Variants in ACCSL observed in about 807,000 individuals in gnomAD.
ACCSL encodes 1-aminocyclopropane-1-carboxylate synthase homolog (inactive) like, also known as probable inactive 1-aminocyclopropane-1-carboxylate synthase-like protein 2.
In ACCSL, 55 loss-of-function variants were observed where a neutral mutation model predicts 61.7. That is an observed-to-expected ratio of 0.89 (90% CI 0.72 to 1.12). ACCSL has a LOEUF of 1.12. ACCSL is among the 50% of genes most tolerant of loss of function. The pLI, the probability that ACCSL is intolerant of heterozygous loss-of-function variation, is 0.00. For synonymous variants in ACCSL, 258 were observed against 264.3 expected (o/e 0.98, Z 0.23); for missense variants, 632 against 698.0 (o/e 0.91, Z 1.07).
At chr11:44,024,463 G>C in the ACCSL span, among the ~76,000 whole-genome samples, 4 of 151,612 alleles carry the variant, frequency 2.6e-5, no homozygotes, top group Non-Finnish European at 4.4e-5. Flanking sequence ...GTGTGTGTGT[G>C]TGTGTGTGTG....
chr11:44,013,641 A>G, the ACCSL span, among the ~76,000 whole-genome samples: 8 of 152,364 alleles, frequency 5.3e-5, no homozygotes, highest in South Asian at 1.4e-3. Flanking sequence ...TTTGGAGTGA[A>G]GGGTATGAAA....
chr11:43,958,445 C>T, the ACCSL span, among the ~76,000 whole-genome samples: 1 of 152,174 alleles, frequency 6.6e-6, no homozygotes, highest in African/African-American at 2.4e-5. Flanking sequence ...CCCCTACCCA[C>T]CAAATTATCC....
chr11:44,009,491 C>T, the ACCSL span, among the ~76,000 whole-genome samples: 6 of 152,128 alleles, frequency 3.9e-5, no homozygotes, highest in East Asian at 1.9e-4. Context: ...CAGGGCCGGG[C>T]GCAGTGGCTC....
At chr11:44,008,601 G>A in the ACCSL span, among the ~76,000 whole-genome samples, 734 of 152,356 alleles carry the variant, frequency 4.8e-3, 11 homozygotes, top group African/African-American at 0.017. Context: ...GTATGACCGC[G>A]AAGCATAGTC....
At chr11:43,923,046 T>C in the ACCSL span, among the ~76,000 whole-genome samples, 1 of 152,214 alleles carries the variant, frequency 6.6e-6, no homozygotes, top group Non-Finnish European at 1.5e-5. Context: ...AAACCTGCCC[T>C]TTCCTTGTGG....
the ACCSL span, among the ~76,000 whole-genome samples, chr11:44,026,734 A>AT: frequency 5.7e-4 from 83 of 146,744 alleles, no homozygotes; most frequent in East Asian, 5.2e-3. Flanking sequence ...ATCTAGACTA[A>AT]TTTTTTTTTT....
chr11:43,955,584 A>G, the ACCSL span, among the ~76,000 whole-genome samples: 1 of 152,052 alleles, frequency 6.6e-6, no homozygotes, highest in Non-Finnish European at 1.5e-5. Context: ...CACGGAGTCT[A>G]CTTCTGGTTG....
the ACCSL span, among the ~76,000 whole-genome samples, chr11:43,970,734 G>A: frequency 1.3e-5 from 2 of 152,042 alleles, no homozygotes; most frequent in Non-Finnish European, 2.9e-5. Context: ...ATTTATGTTG[G>A]TGTAGGCTCA....
At chr11:43,949,811 T>C in the ACCSL span, among the ~76,000 whole-genome samples, 2 of 144,558 alleles carry the variant, frequency 1.4e-5, no homozygotes, top group African/African-American at 5.2e-5. Flanking sequence ...CAAGACTCCA[T>C]CTCAAAAAAA....
chr11:44,047,937 G>A, upstream of ACCSL: 1 of 1,429,316 alleles, frequency 7.0e-7, no homozygotes. Context: ...TCCATTCCTG[G>A]ACCTGAGGGT....
Position 44,059,773 on chromosome 11 carries a change from G to A in ACCSL, c.1625-65G>A. 8 of 1,439,678 alleles carry A rather than the reference G, an allele frequency of 5.6e-6. No homozygotes were observed. In the Middle Eastern group the frequency reaches 5.3e-4, roughly 95 times the overall value. The allele number at this position is 1,439,678 out of a possible 1,614,324, so 89.2% of individuals were successfully genotyped here. A position where few individuals can be genotyped will look rare whatever the true frequency, so the allele number is the denominator to read the frequency against. The stretch of plus-strand genomic sequence containing the variant: ...TTATGGTTGACCATGACCTGGGTAT[G>A]TCTGGGACCCACCAGCAAACCTACT... On this transcript the variant is annotated intron_variant, in intron 13 of 13. Coordinates refer to ENST00000378832, the MANE Select transcript of ACCSL (RefSeq NM_001031854.2).
At chr11:43,971,200 G>A in the ACCSL span, among the ~76,000 whole-genome samples, 1 of 150,672 alleles carries the variant, frequency 6.6e-6, no homozygotes, top group African/African-American at 2.4e-5. Flanking sequence ...GGGCATGGTG[G>A]CACATGCCTA....
chr11:43,965,411 G>A, the ACCSL span, among the ~76,000 whole-genome samples: 1 of 152,204 alleles, frequency 6.6e-6, no homozygotes, highest in African/African-American at 2.4e-5. Context: ...TGTAAGACTT[G>A]TACACCGAAA....
chr11:43,956,441 A>T, the ACCSL span, among the ~76,000 whole-genome samples: 3 of 150,948 alleles, frequency 2.0e-5, no homozygotes, highest in Admixed American at 6.6e-5. Context: ...TTTTTTTGAG[A>T]TGGAGTCTCG....
chr11:43,955,750 G>A, the ACCSL span, among the ~76,000 whole-genome samples: 1 of 152,018 alleles, frequency 6.6e-6, no homozygotes, highest in Non-Finnish European at 1.5e-5. Context: ...GTAATTGGGG[G>A]AGTTGCAAAT....
chr11:44,028,457 A>T, the ACCSL span, among the ~76,000 whole-genome samples: 1 of 152,178 alleles, frequency 6.6e-6, no homozygotes, highest in Non-Finnish European at 1.5e-5. Flanking sequence ...GGCTAATATG[A>T]TTAAAGAATT....
chr11:43,977,829 G>A, the ACCSL span, among the ~76,000 whole-genome samples: 31 of 152,116 alleles, frequency 2.0e-4, no homozygotes, highest in African/African-American at 6.5e-4. Context: ...CCTACCAGCT[G>A]TGTGACCTTG....
the ACCSL span, among the ~76,000 whole-genome samples, chr11:43,996,391 G>A: frequency 1.3e-4 from 20 of 152,290 alleles, no homozygotes; most frequent in African/African-American, 3.1e-4. Context: ...GAGACCTGTC[G>A]CAGGGAGATT....
the ACCSL span, among the ~76,000 whole-genome samples, chr11:44,014,069 G>T: frequency 6.6e-6 from 1 of 152,250 alleles, no homozygotes; most frequent in East Asian, 1.9e-4. Flanking sequence ...GGTTCTTTTT[G>T]TTTGGCCCCC....
Sources: gnomAD v4.1 joint callset for allele counts (sites outside exome capture counted in the v4.1 genomes callset) on GRCh38, gnomAD v4.1.1 for gene constraint, MANE v1.5 for transcripts, NCBI Gene and HGNC (gene_info 2026-07-23, HGNC 2026-07-21) for gene names.